TIAM2: variants seen among roughly 807,000 people sequenced by gnomAD.
The protein encoded by TIAM2 is rho guanine nucleotide exchange factor TIAM2.
A neutral mutation model predicts 152.9 loss-of-function variants in TIAM2; 80 were observed. The observed-to-expected ratio is 0.52, with a 90% CI of 0.44 to 0.63. TIAM2 has a LOEUF of 0.63. TIAM2 is among the 30% of genes least tolerant of loss of function. The probability of loss-of-function intolerance (pLI) is 0.00; values close to 1 mark genes in which losing one functional copy is unlikely to be tolerated. For synonymous variants in TIAM2, 804 were observed against 838.0 expected, an observed-to-expected ratio of 0.96 and a Z score of 0.70; for missense variants, 1,965 against 2,120.1, an observed-to-expected ratio of 0.93 and a Z score of 1.44.
At chr6:155,037,820 G>A (rs1343307911) in intron 1 of TIAM2, among the ~76,000 whole-genome samples, 3 of 152,060 alleles carry the variant, frequency 2.0e-5, no homozygotes, top group African/African-American at 4.8e-5. Context: ...GTGAGCCACC[G>A]CGTCCAGCCC....
intron 23 of TIAM2, 110 bp downstream of exon 23, chr6:155,252,113 C>A: frequency 1.3e-6 from 1 of 786,944 alleles, no homozygotes; most frequent in South Asian, 1.7e-5. Flanking sequence ...ACTGATACTG[C>A]TTACTCTGAG....
In TIAM2 at chr6:155,144,602, A is replaced by T. The variant is rs374584346; in HGVS notation, c.1631-4A>T. 14 of 1,510,202 alleles carry T rather than the reference A, an allele frequency of 9.3e-6. No individual in the cohort carries two copies. Among genetic ancestry groups the T allele is most frequent in the Non-Finnish European group, 1.2e-5 (14 of 1,136,140 alleles). 93.6% of individuals were successfully genotyped at this position (1,510,202 alleles called of 1,614,324 possible). ...GGATGTTATTTTGCTTCTCTGTTTC[A>T]CAGGATGCACGCTGCTGTTTTATGA... is the stretch of plus-strand genomic sequence containing the variant. On this transcript the variant is annotated splice_region_variant and splice_polypyrimidine_tract_variant and intron_variant, in intron 5 of 26. Coordinates refer to ENST00000682666, the MANE Select transcript of TIAM2 (RefSeq NM_012454.4).
chr6:155,231,565 C>G (rs76794643), intron 15 of TIAM2, among the ~76,000 whole-genome samples: 1 of 152,220 alleles, frequency 6.6e-6, no homozygotes, highest in Non-Finnish European at 1.5e-5. Flanking sequence ...CTCCACTCCA[C>G]GGAGCATGCC....
chr6:155,217,826 T>G (rs948342893), intron 15 of TIAM2, among the ~76,000 whole-genome samples: 2 of 152,244 alleles, frequency 1.3e-5, no homozygotes, highest in Admixed American at 1.3e-4. Flanking sequence ...TCCTGTTTAT[T>G]TTTTCTAGGC....
chr6:155,237,799 A>T (rs112528133), intron 15 of TIAM2, among the ~76,000 whole-genome samples: 1,869 of 152,324 alleles, frequency 0.012, 34 homozygotes, highest in Non-Finnish European at 0.015. Flanking sequence ...GGAACACAGC[A>T]TGGGGACCCT....
intron 2 of TIAM2, among the ~76,000 whole-genome samples, chr6:155,122,747 A>G (rs1779199327): frequency 6.6e-6 from 1 of 151,966 alleles, no homozygotes; most frequent in South Asian, 2.1e-4. Context: ...ATTATACTTC[A>G]TATCTCTTCC....
chr6:155,057,541 C>CTTTTTT lies in TIAM2; in HGVS notation c.-208-32730_-208-32725dup, dbSNP rs71023613. On this transcript the variant is annotated intron_variant, in intron 1 of 26. Transcript: ENST00000682666. ...TTACTCTTTTTCTTTCCATAATGTA[C>CTTTTTT]TTTTTTTTTTTTTTTTTTTTTTTGA... 8.7e-4 allele frequency among the ~76,000 whole-genome samples: 70 copies of CTTTTTT among 80,048 alleles called. 1 individual carries two copies. Among genetic ancestry groups the CTTTTTT allele is most frequent in the African/African-American group, 2.9e-3 (53 of 18,094 alleles). The allele number at this position is 80,048 out of a possible 152,430, so 52.5% of individuals were successfully genotyped here. A position where few individuals can be genotyped will look rare whatever the true frequency, so the allele number is the denominator to read the frequency against.
intron 1 of TIAM2, among the ~76,000 whole-genome samples, chr6:155,065,634 C>A (rs186446831): frequency 1.3e-5 from 2 of 152,152 alleles, no homozygotes; most frequent in African/African-American, 4.8e-5. Flanking sequence ...GAAAATTAGC[C>A]AGGTGTGGTG....
intron 15 of TIAM2, chr6:155,217,016 A>T: frequency 7.8e-7 from 1 of 1,282,124 alleles, no homozygotes; most frequent in African/African-American, 1.5e-5. Flanking sequence ...ACATCTCCCA[A>T]CAGCCGACTT....
At chr6:155,005,783 G>C (rs1413823361) in intron 1 of TIAM2, among the ~76,000 whole-genome samples, 1 of 151,672 alleles carries the variant, frequency 6.6e-6, no homozygotes, top group Non-Finnish European at 1.5e-5. Flanking sequence ...AGCCTCCTGA[G>C]GGATTGCAGG....
intron 1 of TIAM2, among the ~76,000 whole-genome samples, chr6:155,086,708 GA>G (rs10667680): frequency 4.5e-5 from 6 of 133,502 alleles, no homozygotes; most frequent in African/African-American, 1.4e-4. Context: ...CTCCATCTTG[GA>G]AAAAAAAAAA....
intron 6 of TIAM2, 130 bp downstream of exon 6, chr6:155,144,908 A>G (rs1254635869): frequency 6.5e-6 from 7 of 1,076,034 alleles, no homozygotes; most frequent in Non-Finnish European, 9.2e-6. Context: ...GCCTTAAGCA[A>G]CAGATGTTGG....
intron 15 of TIAM2, chr6:155,232,430 A>G (rs1049704772): frequency 6.6e-6 from 1 of 152,260 alleles, no homozygotes; most frequent in African/African-American, 2.4e-5. Context: ...TCAGTGTATG[A>G]GAACGCAAAC....
intron 15 of TIAM2, among the ~76,000 whole-genome samples, chr6:155,232,350 G>A (rs1255400642): frequency 3.9e-5 from 6 of 151,936 alleles, no homozygotes; most frequent in African/African-American, 7.3e-5. Context: ...GTGTCATTGC[G>A]CTCTGAGATT....
intron 14 of TIAM2, among the ~76,000 whole-genome samples, chr6:155,194,955 G>C (rs138763137): frequency 1.3e-5 from 2 of 152,222 alleles, no homozygotes; most frequent in East Asian, 1.9e-4. Context: ...GATTCTTCTT[G>C]CTGCCACCAT....
chr6:155,141,980 C>A (rs908771649), intron 5 of TIAM2, among the ~76,000 whole-genome samples: 2 of 152,200 alleles, frequency 1.3e-5, no homozygotes, highest in Non-Finnish European at 2.9e-5. Context: ...CCAGTGTCAA[C>A]GACCCCTCCA....
intron 2 of TIAM2, among the ~76,000 whole-genome samples, chr6:155,114,923 G>T (rs1778974881): frequency 1.3e-5 from 2 of 152,006 alleles, no homozygotes. Context: ...CGCCTTCCAG[G>T]TTCACGCAAT....
In TIAM2 at chr6:155,220,037, C is replaced by T. The variant is rs184856487; in HGVS notation, c.3168+8730C>T. Among the ~76,000 whole-genome samples the T allele has an allele frequency of 6.5e-4, 99 of 152,340 alleles. 1 individual carries two copies. Among genetic ancestry groups the T allele is most frequent in the Admixed American group, 5.0e-3 (77 of 15,304 alleles). ...GAAGAAACTTGCTGGTGACCTTTCT[C>T]GCCATTTCTTGCAACTGGCCCTTCC... On this transcript the variant is annotated intron_variant, in intron 15 of 26. Transcript: ENST00000682666.
At chr6:155,035,499 G>GCTCA (rs1375467107) in intron 1 of TIAM2, among the ~76,000 whole-genome samples, 1 of 152,102 alleles carries the variant, frequency 6.6e-6, no homozygotes, top group Admixed American at 6.6e-5. Context: ...GGATTAACAG[G>GCTCA]CGTGAGACTA....
Sources: allele counts gnomAD v4.1 joint callset (sites outside exome capture counted in the v4.1 genomes callset), GRCh38; gene constraint gnomAD v4.1.1; transcripts MANE v1.5; gene names NCBI Gene and HGNC (gene_info 2026-07-23, HGNC 2026-07-21).